CHD9: variants seen among roughly 807,000 people sequenced by gnomAD.
CHD9 encodes the protein ATP-dependent chromatin remodeler CHD9.
In CHD9, 77 loss-of-function variants were observed where a neutral mutation model predicts 316.1. That is an observed-to-expected ratio of 0.24 (90% CI 0.20 to 0.29). The LOEUF (loss-of-function observed/expected upper bound fraction) is 0.29. Among genes scored for constraint, CHD9 ranks in the 10% least tolerant of loss-of-function variants. The pLI is 1.00. For synonymous variants in CHD9, 1,129 were observed against 1,158.3 expected (o/e 0.97, Z 0.51); for missense variants, 2,763 against 3,438.1 (o/e 0.80, Z 4.91).
chr16:53,203,471 C>A (rs1404237421), intron 2 of CHD9, among the ~76,000 whole-genome samples: 1 of 152,112 alleles, frequency 6.6e-6, no homozygotes, highest in East Asian at 1.9e-4. Context: ...TTCTGTTATT[C>A]TACATTGTCT....
intron 19 of CHD9, among the ~76,000 whole-genome samples, chr16:53,260,848 T>C (rs2051016285): frequency 6.6e-6 from 1 of 152,194 alleles, no homozygotes; most frequent in African/African-American, 2.4e-5. Context: ...GCCTCACTTT[T>C]GTAAGAACAT....
At chr16:53,066,176 C>G (rs2033486951) in intron 1 of CHD9, among the ~76,000 whole-genome samples, 1 of 152,114 alleles carries the variant, frequency 6.6e-6, no homozygotes, top group East Asian at 1.9e-4. Context: ...GTTGCTTAAC[C>G]TCCTGAGCCT....
At chr16:53,293,126 A>AT (rs907064993) in intron 29 of CHD9, 74 bp downstream of exon 29, 320 of 1,319,516 alleles carry the variant, frequency 2.4e-4, no homozygotes, top group Middle Eastern at 2.4e-3. Flanking sequence ...TCTGGGTACA[A>AT]TTATCACGCT....
intron 2 of CHD9, among the ~76,000 whole-genome samples, chr16:53,157,946 T>C (rs752040408): frequency 1.6e-4 from 25 of 152,158 alleles, no homozygotes; most frequent in Non-Finnish European, 3.5e-4. Flanking sequence ...AGCAAACTTT[T>C]AAGACCTCAG....
chr16:53,281,655 C>G (rs2053427920), intron 24 of CHD9, among the ~76,000 whole-genome samples: 1 of 152,170 alleles, frequency 6.6e-6, no homozygotes, highest in South Asian at 2.1e-4. Flanking sequence ...CTCCATAACT[C>G]TGTACGTACT....
chr16:53,202,022 CTAAGTT>C (rs2045501477), intron 2 of CHD9, among the ~76,000 whole-genome samples: 1 of 141,664 alleles, frequency 7.1e-6, no homozygotes, highest in African/African-American at 2.6e-5. Context: ...TCACACTTAG[CTAAGTT>C]TAAATTTTTT....
chr16:53,176,193 A>G (rs1246268928), intron 2 of CHD9, among the ~76,000 whole-genome samples: 2 of 152,188 alleles, frequency 1.3e-5, no homozygotes, highest in African/African-American at 2.4e-5. Flanking sequence ...GGGATGATCA[A>G]TTTTCTTGGC....
chr16:53,227,491 A>C, intron 6 of CHD9, 27 bp downstream of exon 6: 16 of 1,427,334 alleles, frequency 1.1e-5, no homozygotes, highest in Middle Eastern at 1.7e-4. Context: ...TACATTTTAC[A>C]CTTCATATTC....
At chr16:53,131,657 C>T (rs2039322527) in intron 1 of CHD9, among the ~76,000 whole-genome samples, 1 of 151,996 alleles carries the variant, frequency 6.6e-6, no homozygotes, top group African/African-American at 2.4e-5. Context: ...AGGTCGGGGC[C>T]TCCCCCGGGT....
intron 31 of CHD9, among the ~76,000 whole-genome samples, chr16:53,305,443 T>G (rs2055873453): frequency 1.3e-5 from 2 of 152,244 alleles, no homozygotes; most frequent in African/African-American, 2.4e-5. Flanking sequence ...AAATTCCCTG[T>G]TTAATATTCA....
intron 24 of CHD9, among the ~76,000 whole-genome samples, chr16:53,274,882 C>A (rs1047408900): frequency 3.9e-5 from 6 of 152,270 alleles, no homozygotes; most frequent in Middle Eastern, 3.4e-3. Context: ...AAGGAATTAA[C>A]CCTTGCCAAT....
At chr16:53,127,874 T>G (rs1597072257) in intron 1 of CHD9, among the ~76,000 whole-genome samples, 1 of 127,494 alleles carries the variant, frequency 7.8e-6, no homozygotes, top group Non-Finnish European at 1.6e-5. Flanking sequence ...TCCCGGGAGG[T>G]GGAGATTGCA....
chr16:53,132,008 C>T (rs1265390290), intron 1 of CHD9, among the ~76,000 whole-genome samples: 1 of 152,360 alleles, frequency 6.6e-6, no homozygotes, highest in East Asian at 1.9e-4. Flanking sequence ...AAGCCAAGCA[C>T]TACCCGGAAA....
chr16:53,281,060 C>T (rs944293066), intron 24 of CHD9, among the ~76,000 whole-genome samples: 6 of 152,098 alleles, frequency 3.9e-5, no homozygotes, highest in African/African-American at 7.2e-5. Flanking sequence ...CCAAGAGCTC[C>T]GTCCTCAGCT....
intron 3 of CHD9, among the ~76,000 whole-genome samples, chr16:53,220,460 C>T (rs2047145719): frequency 6.6e-6 from 1 of 152,184 alleles, no homozygotes; most frequent in African/African-American, 2.4e-5. Flanking sequence ...TCCACATTCC[C>T]ACAGCCCTAG....
intron 1 of CHD9, among the ~76,000 whole-genome samples, chr16:53,146,436 T>TAA (rs1555492170): frequency 1.5e-5 from 2 of 130,972 alleles, no homozygotes; most frequent in African/African-American, 6.3e-5. Context: ...TATATATATA[T>TAA]AATTAAAAAG....
chr16:53,321,842 C>T (rs560757410), intron 38 of CHD9, among the ~76,000 whole-genome samples: 86 of 152,108 alleles, frequency 5.7e-4, no homozygotes, highest in Non-Finnish European at 1.0e-3. Flanking sequence ...TTTACATTAA[C>T]CTCTAAGATA....
At chr16:53,104,064 C>T (rs1056832770) in intron 1 of CHD9, among the ~76,000 whole-genome samples, 1 of 152,154 alleles carries the variant, frequency 6.6e-6, no homozygotes, top group Non-Finnish European at 1.5e-5. Context: ...TTGCTCTGGT[C>T]GTGGAGCTGC....
At chr16:53,239,243 T>C (rs1047988706) in intron 12 of CHD9, among the ~76,000 whole-genome samples, 12 of 151,996 alleles carry the variant, frequency 7.9e-5, no homozygotes, top group African/African-American at 2.9e-4. Flanking sequence ...ACATAGATTG[T>C]AAAATAAAGA....
Sources: allele counts gnomAD v4.1 joint callset (sites outside exome capture counted in the v4.1 genomes callset), GRCh38; gene constraint gnomAD v4.1.1; transcripts MANE v1.5; gene names NCBI Gene and HGNC (gene_info 2026-07-23, HGNC 2026-07-21).